Variants in PODXL2 observed in about 807,000 individuals in gnomAD.
PODXL2 encodes the protein podocalyxin-like protein 2.
In PODXL2, 17 loss-of-function variants were observed where a neutral mutation model predicts 53.4. The ratio of observed to expected loss-of-function variants is 0.32; its 90% CI spans 0.22 to 0.48. PODXL2 has a LOEUF of 0.48. PODXL2 is among the 20% of genes least tolerant of loss of function. The pLI is 0.99. For synonymous variants in PODXL2, 311 were observed against 306.7 expected, an observed-to-expected ratio of 1.01 and a Z score of -0.15; for missense variants, 673 against 760.0, an observed-to-expected ratio of 0.89 and a Z score of 1.35.
intron 7 of PODXL2, 136 bp downstream of exon 7, chr3:127,671,749 G>A: frequency 1.2e-6 from 1 of 827,792 alleles, no homozygotes; most frequent in South Asian, 1.6e-5. Flanking sequence ...GGTCAGCCTA[G>A]CACTGCTGAC....
rs934667721 is a variant in PODXL2, at chr3:127,672,256, A to G, written c.1606-12A>G. ...GCTCGCTCGCCCATGGCCTCTCCCC[A>G]CCCCGCCTCAGTCGCACGGCGAGGA... On this transcript the variant is annotated splice_polypyrimidine_tract_variant and intron_variant, in intron 7 of 7. Coordinates refer to ENST00000342480, the MANE Select transcript of PODXL2 (RefSeq NM_015720.4). 11 of 1,539,188 alleles carry G rather than the reference A, an allele frequency of 7.1e-6. No homozygotes were observed. The highest frequency in any genetic ancestry group is 1.4e-5 in the African/African-American group (1 of 72,818).
chr3:127,657,621 T>TCTA (rs2074733646), intron 2 of PODXL2, among the ~76,000 whole-genome samples: 1 of 152,240 alleles, frequency 6.6e-6, no homozygotes, highest in African/African-American at 2.4e-5. Flanking sequence ...CTTTCATTCA[T>TCTA]CTACTCCTTC....
At chr3:127,666,280 T>A (rs2074794676) in intron 4 of PODXL2, among the ~76,000 whole-genome samples, 1 of 152,178 alleles carries the variant, frequency 6.6e-6, no homozygotes, top group African/African-American at 2.4e-5. Flanking sequence ...GAATAAGTAC[T>A]TTACTTATTC....
At chr3:127,639,910 C>G (rs2074603994) in intron 2 of PODXL2, among the ~76,000 whole-genome samples, 2 of 152,222 alleles carry the variant, frequency 1.3e-5, no homozygotes, top group Admixed American at 1.3e-4. Context: ...TATGGCTTTC[C>G]AAGCCCTGGG....
At chr3:127,650,949 G>C (rs1426457130) in intron 2 of PODXL2, among the ~76,000 whole-genome samples, 1 of 151,294 alleles carries the variant, frequency 6.6e-6, no homozygotes, top group South Asian at 2.2e-4. Flanking sequence ...GTGAGCCACC[G>C]CGCCCAGCTG....
chr3:127,657,983 G>C (rs1012999721), intron 2 of PODXL2, among the ~76,000 whole-genome samples: 1 of 152,176 alleles, frequency 6.6e-6, no homozygotes, highest in Admixed American at 6.5e-5. Flanking sequence ...CTAGAGGTCA[G>C]TTGCTTTATG....
At chr3:127,664,931 T>C (rs1197402139) in intron 4 of PODXL2, among the ~76,000 whole-genome samples, 1 of 152,298 alleles carries the variant, frequency 6.6e-6, no homozygotes, top group East Asian at 1.9e-4. Flanking sequence ...CTTGTTAGAA[T>C]TTTTTCAAAC....
intron 2 of PODXL2, among the ~76,000 whole-genome samples, chr3:127,652,835 C>T (rs1043054235): frequency 3.3e-5 from 5 of 152,034 alleles, no homozygotes; most frequent in African/African-American, 7.2e-5. Context: ...TTCCCTGGAG[C>T]GCTCAGCTGG....
rs79467244 is a variant in PODXL2 at position 127,660,264 on chromosome 3, A to C, written c.350-114A>C. Reference sequence around the variant, plus strand: ...CCCCTGGCCTCTCCATCATGACCTGATGACCCCTGCCCTGTCAGTGTATTG... The same window carrying C: ...CCCCTGGCCTCTCCATCATGACCTGCTGACCCCTGCCCTGTCAGTGTATTG... On this transcript the variant is annotated intron_variant, in intron 2 of 7. Coordinates refer to ENST00000342480, the MANE Select transcript of PODXL2 (RefSeq NM_015720.4). 0.01 allele frequency: 14,159 copies of C among 1,376,804 alleles called. 1,110 individuals carry two copies. In the African/African-American group the frequency reaches 0.18, roughly 17 times the overall value. 85.3% of individuals were successfully genotyped at this position (1,376,804 alleles called of 1,614,324 possible).
At chr3:127,637,066 G>A (rs1045868284) in intron 1 of PODXL2, among the ~76,000 whole-genome samples, 32 of 152,202 alleles carry the variant, frequency 2.1e-4, no homozygotes, top group African/African-American at 6.5e-4. Flanking sequence ...CAAGTGATCC[G>A]CCCGCCTCGG....
intron 2 of PODXL2, 130 bp downstream of exon 2, chr3:127,639,653 T>C (rs2074601990): frequency 1.1e-6 from 1 of 877,260 alleles, no homozygotes; most frequent in Non-Finnish European, 1.7e-6. Context: ...TGCTGCTGTT[T>C]ACCTGCACAT....
chr3:127,672,345 G>C lies in PODXL2; in HGVS notation c.1683G>C (p.Gln561His). ...CGCTGGACGTGGCCAGCGACAGCCA[G>C]TCGGAGATGCAGGAGAAGCACCCCA... ...NPTLDVASDS[Q>H]SEMQEKHPSL... is the part of the protein sequence containing the mutation. Residue 561 changes from glutamine to histidine, a missense_variant, in exon 8 of 8, where the codon CAG becomes CAC. Transcript: ENST00000342480. 6.5e-7 allele frequency: 1 copy of C among 1,550,342 alleles called. No individual in the cohort carries two copies. The highest frequency in any genetic ancestry group is 8.7e-7 in the Non-Finnish European group (1 of 1,148,008).
chr3:127,660,156 G>GT (rs1193972682), intron 2 of PODXL2, among the ~76,000 whole-genome samples: 2 of 152,162 alleles, frequency 1.3e-5, no homozygotes, highest in Non-Finnish European at 2.9e-5. Context: ...TGTTCATTGA[G>GT]TTTTGGTGAT....
chr3:127,671,705 C>T (rs2107547605), intron 7 of PODXL2, 92 bp downstream of exon 7: 3 of 1,258,992 alleles, frequency 2.4e-6, no homozygotes, highest in South Asian at 1.3e-5. Context: ...CAGTGACTCT[C>T]CTGGGCGCAC....
At chr3:127,651,786 G>A (rs2074690560) in intron 2 of PODXL2, among the ~76,000 whole-genome samples, 1 of 152,222 alleles carries the variant, frequency 6.6e-6, no homozygotes, top group African/African-American at 2.4e-5. Flanking sequence ...TGTGGGCTGG[G>A]TGTTTTGCAT....
chr3:127,650,930 A>C (rs1337022640), intron 2 of PODXL2, among the ~76,000 whole-genome samples: 1 of 152,026 alleles, frequency 6.6e-6, no homozygotes, highest in Non-Finnish European at 1.5e-5. Context: ...AAGTGCTGGG[A>C]TTACAGGCGT....
intron 7 of PODXL2, 144 bp from the exon 8 acceptor site, chr3:127,672,124 A>G (rs2074850002): frequency 3.1e-6 from 2 of 636,080 alleles, no homozygotes; most frequent in African/African-American, 1.8e-5. Context: ...AAAGGAGTTG[A>G]GCTGCAGCAA....
chr3:127,647,249 G>T (rs1389395897), intron 2 of PODXL2, among the ~76,000 whole-genome samples: 2 of 152,100 alleles, frequency 1.3e-5, no homozygotes, highest in Non-Finnish European at 2.9e-5. Context: ...AAAAAAACAT[G>T]GAATGCGAAT....
intron 2 of PODXL2, among the ~76,000 whole-genome samples, chr3:127,654,419 G>A (rs930686003): frequency 4.6e-5 from 7 of 152,080 alleles, no homozygotes; most frequent in African/African-American, 1.7e-4. Context: ...CAGTCTCACG[G>A]GCCCTCTCCT....
Sources: allele counts gnomAD v4.1 joint callset (sites outside exome capture counted in the v4.1 genomes callset), GRCh38; gene constraint gnomAD v4.1.1; transcripts MANE v1.5; gene names NCBI Gene and HGNC (gene_info 2026-07-23, HGNC 2026-07-21).